The following PTPRT variants were observed in gnomAD, a reference collection of about 807,000 sequenced individuals.
PTPRT encodes the protein receptor-type tyrosine-protein phosphatase T.
PTPRT carries 56 observed loss-of-function variants against 176.8 expected under a neutral mutation model. The observed-to-expected ratio is 0.32, with a 90% CI of 0.26 to 0.40. The LOEUF is 0.40. Ranked by LOEUF, PTPRT falls within the 10% of genes least tolerant of loss-of-function variation. The pLI is 1.00. For synonymous variants in PTPRT, 783 were observed against 739.0 expected (o/e 1.06, Z -0.96); for missense variants, 1,540 against 1,908.2 (o/e 0.81, Z 3.60).
intron 8 of PTPRT, among the ~76,000 whole-genome samples, chr20:42,452,173 G>T (rs939815724): frequency 6.6e-6 from 1 of 151,840 alleles, no homozygotes; most frequent in Non-Finnish European, 1.5e-5. Flanking sequence ...AGAGGCTGAG[G>T]CAGGAGAATT....
intron 6 of PTPRT, among the ~76,000 whole-genome samples, chr20:42,694,092 G>A (rs1445952823): frequency 6.8e-6 from 1 of 147,878 alleles, no homozygotes; most frequent in Non-Finnish European, 1.5e-5. Flanking sequence ...AGGCTGGAGT[G>A]CAGCGGCGCG....
chr20:42,628,281 C>G (rs1176249884), intron 7 of PTPRT, among the ~76,000 whole-genome samples: 1 of 152,142 alleles, frequency 6.6e-6, no homozygotes, highest in Non-Finnish European at 1.5e-5. Flanking sequence ...GGGGAGATGA[C>G]AGCAGAGAAG....
intron 1 of PTPRT, among the ~76,000 whole-genome samples, chr20:42,940,996 C>T (rs1170014810): frequency 4.0e-5 from 6 of 151,860 alleles, no homozygotes; most frequent in South Asian, 2.1e-4. Flanking sequence ...GCAGAAGAAT[C>T]GCTTGAACCT....
At chr20:42,118,171 A>G (rs1987392145) in intron 21 of PTPRT, among the ~76,000 whole-genome samples, 1 of 152,208 alleles carries the variant, frequency 6.6e-6, no homozygotes, top group Non-Finnish European at 1.5e-5. Context: ...TTTCCTCAAA[A>G]TATATGAGAT....
At chr20:42,109,701 T>TTGTATC (rs753272007) in intron 23 of PTPRT, among the ~76,000 whole-genome samples, 1 of 152,130 alleles carries the variant, frequency 6.6e-6, no homozygotes, top group Non-Finnish European at 1.5e-5. Context: ...ACTTGAGTTT[T>TTGTATC]TGTATCTGTA....
chr20:42,881,715 A>C (rs1163089666), intron 2 of PTPRT, among the ~76,000 whole-genome samples: 1 of 133,418 alleles, frequency 7.5e-6, no homozygotes, highest in Non-Finnish European at 1.5e-5. Context: ...ACAGAGCGAC[A>C]CTCTGTCTCA....
chr20:42,055,557 G>T, the PTPRT span, among the ~76,000 whole-genome samples: 3 of 152,204 alleles, frequency 2.0e-5, no homozygotes, highest in African/African-American at 7.2e-5. Context: ...AAGGGATGTG[G>T]TTGGGGAGGT....
chr20:42,493,364 T>C (rs1568927074), intron 7 of PTPRT, among the ~76,000 whole-genome samples: 1 of 152,164 alleles, frequency 6.6e-6, no homozygotes, highest in Non-Finnish European at 1.5e-5. Flanking sequence ...TTGAGGGGTT[T>C]TTTTTTAAGA....
the PTPRT span, among the ~76,000 whole-genome samples, chr20:42,045,733 A>G: frequency 6.6e-6 from 1 of 152,016 alleles, no homozygotes; most frequent in Non-Finnish European, 1.5e-5. Context: ...GACACCACAT[A>G]ACTTGAAGAT....
chr20:42,553,769 G>C (rs1171860522), intron 7 of PTPRT, among the ~76,000 whole-genome samples: 1 of 152,100 alleles, frequency 6.6e-6, no homozygotes. Context: ...GGGCAGCCAG[G>C]ACTGGGTTGA....
chr20:42,176,146 T>C (rs1990281806), intron 16 of PTPRT, among the ~76,000 whole-genome samples: 1 of 152,180 alleles, frequency 6.6e-6, no homozygotes, highest in Non-Finnish European at 1.5e-5. Context: ...ATCTCCAGAA[T>C]CTAGTGCCTA....
At chr20:42,427,882 G>A (rs1389758897) in intron 9 of PTPRT, among the ~76,000 whole-genome samples, 1 of 152,066 alleles carries the variant, frequency 6.6e-6, no homozygotes, top group East Asian at 1.9e-4. Flanking sequence ...CCCCAGCCTT[G>A]AGAATGTACT....
At chr20:42,664,586 T>C (rs555398305) in intron 7 of PTPRT, among the ~76,000 whole-genome samples, 1 of 152,342 alleles carries the variant, frequency 6.6e-6, no homozygotes, top group East Asian at 1.9e-4. Context: ...TCTTACCATG[T>C]ACAATTTATT....
intron 2 of PTPRT, among the ~76,000 whole-genome samples, chr20:42,877,690 C>A (rs1031449239): frequency 9.9e-5 from 15 of 152,142 alleles, no homozygotes; most frequent in African/African-American, 3.6e-4. Context: ...GTTGTTCCTG[C>A]CTACAAGAAC....
intron 1 of PTPRT, among the ~76,000 whole-genome samples, chr20:43,114,449 G>A (rs1438762971): frequency 2.0e-5 from 3 of 152,132 alleles, no homozygotes; most frequent in African/African-American, 7.2e-5. Context: ...TCACACTCTT[G>A]CTAAGAAGAT....
In PTPRT at chr20:43,079,158, T is replaced by TTC. The variant is rs371997329; in HGVS notation, c.88+110486_88+110487dup. Among the ~76,000 whole-genome samples, 8 of 145,408 alleles carry TTC rather than the reference T, an allele frequency of 5.5e-5. No homozygotes were observed. The South Asian group carries it at 1.4e-3, about 25-fold the overall frequency. On this transcript the variant is annotated intron_variant, in intron 1 of 30. Transcript: ENST00000373187. ...TCCTTTTTCTTTTTTCTCTCTCCCT[T>TTC]TCTCTCTCTCTCTCTCCCTCCCCCC...
intron 6 of PTPRT, among the ~76,000 whole-genome samples, chr20:42,743,380 G>A (rs959646598): frequency 3.9e-5 from 6 of 152,120 alleles, no homozygotes; most frequent in Admixed American, 6.5e-5. Flanking sequence ...GGTTAGGGGG[G>A]AAAAAAGAAA....
chr20:42,502,823 G>A (rs566052115), intron 7 of PTPRT, among the ~76,000 whole-genome samples: 4 of 152,130 alleles, frequency 2.6e-5, no homozygotes, highest in African/African-American at 9.6e-5. Flanking sequence ...ACATATCTGT[G>A]AGTAAATCAC....
chr20:42,150,701 G>T (rs1261660137), intron 17 of PTPRT, among the ~76,000 whole-genome samples: 1 of 152,160 alleles, frequency 6.6e-6, no homozygotes. Context: ...TCACCACTTC[G>T]AGTGTCAATA....
Sources: allele counts gnomAD v4.1 joint callset (sites outside exome capture counted in the v4.1 genomes callset), GRCh38; gene constraint gnomAD v4.1.1; transcripts MANE v1.5; gene names NCBI Gene and HGNC (gene_info 2026-07-23, HGNC 2026-07-21).